The following URB2 variants were observed in gnomAD, a reference collection of about 807,000 sequenced individuals.
The protein encoded by URB2 is URB2 ribosome biogenesis homolog.
A neutral mutation model predicts 120.9 loss-of-function variants in URB2; 86 were observed. That is an observed-to-expected ratio of 0.71 (90% CI 0.60 to 0.85). The LOEUF (loss-of-function observed/expected upper bound fraction) is 0.85. URB2 is among the 40% of genes least tolerant of loss of function. The probability of loss-of-function intolerance (pLI) is 0.00; values close to 1 mark genes in which losing one functional copy is unlikely to be tolerated. For missense variants in URB2, 1,765 were observed against 1,836.5 expected, an observed-to-expected ratio of 0.96 and a Z score of 0.71; for synonymous variants, 755 against 758.4, an observed-to-expected ratio of 1.00 and a Z score of 0.07.
intron 3 of URB2, among the ~76,000 whole-genome samples, chr1:229,634,098 G>A (rs1051132707): frequency 2.0e-5 from 3 of 152,018 alleles, no homozygotes; most frequent in African/African-American, 7.3e-5. Context: ...CTCCCAAGGT[G>A]TTGGGATTAC....
intron 4 of URB2, among the ~76,000 whole-genome samples, chr1:229,638,646 A>C (rs1258878205): frequency 9.1e-6 from 1 of 110,050 alleles, no homozygotes; most frequent in Non-Finnish European, 1.7e-5. Flanking sequence ...AGTCTGTCTC[A>C]AAAAAAAAAA....
At chr1:229,641,391 G>A (rs940669950) in intron 4 of URB2, among the ~76,000 whole-genome samples, 12 of 152,092 alleles carry the variant, frequency 7.9e-5, no homozygotes, top group African/African-American at 2.2e-4. Context: ...AGAGCACCTC[G>A]GTCACAGTGT....
chr1:229,637,194 C>A lies in URB2; in HGVS notation c.2581C>A (p.Pro861Thr). The change falls in exon 4 of 10, where the codon CCC becomes ACC. Residue 861 changes from proline to threonine, a missense_variant. Physicochemically the swap from Pro to Thr is conservative, Grantham distance 38. Transcript: ENST00000258243. Reference sequence around the variant, plus strand: ...GGAAAACAGATTTGCAAAAGCTGGACCCGAAGGTATAGAACCTAGAGGAGA... The same window carrying A: ...GGAAAACAGATTTGCAAAAGCTGGAACCGAAGGTATAGAACCTAGAGGAGA... Reference protein sequence around the residue: ...HWENRFAKAGPEGIEPRGEIA... With the variant: ...HWENRFAKAGTEGIEPRGEIA... 1 of 1,613,764 alleles carries A rather than the reference C, an allele frequency of 6.2e-7. No homozygotes were observed. The highest frequency in any genetic ancestry group is 8.5e-7 in the Non-Finnish European group (1 of 1,179,782).
Position 229,635,728 on chromosome 1 carries a change from T to C in URB2, c.1115T>C (p.Ile372Thr). 1 of 1,614,118 alleles carries C rather than the reference T, an allele frequency of 6.2e-7. No homozygotes were observed. The highest frequency in any genetic ancestry group is 1.1e-5 in the South Asian group (1 of 91,080). ...CTAAACTCAGTGGCCAACAACAATA[T>C]CTACAACATCGCTGCCGACAGAATT... ...QLLNSVANNN[I>T]YNIAADRIRH... The change falls in exon 4 of 10, where the codon ATC becomes ACC. Residue 372 changes from isoleucine (I) to threonine (T), a missense_variant. Ile to Thr is a moderately conservative substitution (Grantham distance 89). Coordinates refer to ENST00000258243, the MANE Select transcript of URB2 (RefSeq NM_014777.4).
intron 9 of URB2, among the ~76,000 whole-genome samples, chr1:229,655,481 G>A (rs1233006365): frequency 6.6e-6 from 1 of 152,132 alleles, no homozygotes; most frequent in Non-Finnish European, 1.5e-5. Context: ...TAATCCACCC[G>A]CCTTGGCCTC....
chr1:229,653,254 G>A (rs928614895), intron 8 of URB2, among the ~76,000 whole-genome samples: 17 of 151,766 alleles, frequency 1.1e-4, no homozygotes, highest in African/African-American at 1.9e-4. Flanking sequence ...GCTTATTCAC[G>A]GTCTTCAAAA....
intron 6 of URB2, 69 bp downstream of exon 6, chr1:229,646,038 C>T (rs1666140994): frequency 4.2e-6 from 6 of 1,439,324 alleles, no homozygotes; most frequent in Non-Finnish European, 5.9e-6. Flanking sequence ...AGAAGTCAGC[C>T]TTTTGGGGTC....
intron 4 of URB2, among the ~76,000 whole-genome samples, chr1:229,642,017 A>T (rs1470594816): frequency 1.3e-5 from 2 of 151,250 alleles, no homozygotes; most frequent in Admixed American, 6.5e-5. Context: ...CTCCAGAAAC[A>T]TAAAAAAAAC....
At position 229,654,395 on chromosome 1, in the gene URB2, T is replaced by C. The variant is rs571162644; in HGVS notation, c.4377+7T>C. 3.1e-6 allele frequency: 5 copies of C among 1,614,158 alleles called. No individual in the cohort carries two copies. Among genetic ancestry groups the C allele is most frequent in the Admixed American group, 1.7e-5 (1 of 60,028 alleles). ...CGTGTTGGAGGTACAGAAGGTAAAA[T>C]TGGGTTCAATGTCTTTCACCAAGTA... On this transcript the variant is annotated splice_region_variant and intron_variant, in intron 9 of 9. Coordinates refer to ENST00000258243, the MANE Select transcript of URB2 (RefSeq NM_014777.4).
At chr1:229,633,840 T>TA (rs1365417895) in intron 3 of URB2, among the ~76,000 whole-genome samples, 1 of 152,210 alleles carries the variant, frequency 6.6e-6, no homozygotes, top group Non-Finnish European at 1.5e-5. Context: ...CTTTCCTTTT[T>TA]AAAAAATTTT....
At chr1:229,633,889 T>C (rs1665728670) in intron 3 of URB2, among the ~76,000 whole-genome samples, 1 of 152,114 alleles carries the variant, frequency 6.6e-6, no homozygotes, top group African/African-American at 2.4e-5. Context: ...TGGAGTGCAG[T>C]GGTGTGATCT....
At chr1:229,638,320 G>A in intron 4 of URB2, 73 bp downstream of exon 4, 1 of 1,473,868 alleles carries the variant, frequency 6.8e-7, no homozygotes, top group Non-Finnish European at 9.1e-7. Context: ...TTTGGAACTG[G>A]GAATAAGTGA....
intron 4 of URB2, among the ~76,000 whole-genome samples, chr1:229,639,508 TG>T (rs1039641299): frequency 3.9e-5 from 6 of 152,054 alleles, no homozygotes; most frequent in Admixed American, 2.0e-4. Flanking sequence ...CTAATTTTTT[TG>T]TATTTTTTAG....
Position 229,635,290 on chromosome 1 carries a change from G to A in URB2, c.677G>A (p.Arg226Lys). The part of the protein sequence containing the change: ...TWTQAGQGQL[R>K]QVLSRDIRSQ... ...ACGCAGGCTGGCCAGGGCCAGCTGA[G>A]GCAGGTGCTGAGCCGGGACATCAGG... Residue 226 changes from arginine to lysine, a missense_variant, in exon 4 of 10, where the codon AGG becomes AAG. Transcript: ENST00000258243. 1 of 1,614,230 alleles carries A rather than the reference G, an allele frequency of 6.2e-7. No individual in the cohort carries two copies. The highest frequency in any genetic ancestry group is 1.3e-5 in the African/African-American group (1 of 75,074).
Position 229,637,438 on chromosome 1 carries a change from T to G in URB2, c.2825T>G (p.Leu942Trp), listed in dbSNP as rs1358708814. 3 of 1,614,076 alleles carry G rather than the reference T, an allele frequency of 1.9e-6. No homozygotes were observed. The highest frequency in any genetic ancestry group is 2.5e-6 in the Non-Finnish European group (3 of 1,180,048). ...SCSSSLALKF[L>W]TTCYQLLGYL... ...TCCTCCTCACTGGCTCTCAAGTTCTTGACGACTTGCTACCAACTTCTTGGT... is the reference window on the plus strand; with the variant it reads ...TCCTCCTCACTGGCTCTCAAGTTCTGGACGACTTGCTACCAACTTCTTGGT... The change falls in exon 4 of 10, where the codon TTG becomes TGG. Residue 942 changes from leucine to tryptophan, a missense_variant. By Grantham distance (61) the Leu-to-Trp change is moderately conservative (BLOSUM62 -2). Transcript: ENST00000258243.
intron 4 of URB2, among the ~76,000 whole-genome samples, chr1:229,642,165 C>T (rs112650949): frequency 4.6e-5 from 7 of 152,240 alleles, no homozygotes; most frequent in African/African-American, 1.7e-4. Flanking sequence ...ATAAAGCGAA[C>T]CAGAGCGATG....
Position 229,635,104 on chromosome 1 carries a change from C to G in URB2, c.491C>G (p.Ala164Gly). Residue 164 changes from alanine (A) to glycine (G), a missense_variant, in exon 4 of 10, where the codon GCT becomes GGT. Ala to Gly is a moderately conservative substitution (Grantham distance 60). Coordinates refer to ENST00000258243, the MANE Select transcript of URB2 (RefSeq NM_014777.4). The stretch of plus-strand genomic sequence containing the variant: ...TCGGCCTGCAGGCAGCCCGAAGGAG[C>G]TGTGGTAGCCCAGTTGTTTGAGGTC... The part of the protein sequence containing the change: ...CWSACRQPEG[A>G]VVAQLFEVIH... 1 of 1,614,002 alleles carries G rather than the reference C, an allele frequency of 6.2e-7. No individual in the cohort carries two copies. The highest frequency in any genetic ancestry group is 1.1e-5 in the South Asian group (1 of 91,076).
chr1:229,643,714 T>G, intron 5 of URB2, 21 bp downstream of exon 5: 1 of 1,603,616 alleles, frequency 6.2e-7, no homozygotes, highest in Non-Finnish European at 8.5e-7. Flanking sequence ...TCTCCCTCCT[T>G]GTGTGGCAGG....
At chr1:229,639,015 T>A (rs1241625102) in intron 4 of URB2, among the ~76,000 whole-genome samples, 1 of 152,008 alleles carries the variant, frequency 6.6e-6, no homozygotes, top group Non-Finnish European at 1.5e-5. Context: ...CTGCCAACTT[T>A]AAAAAAGTAC....
Sources: gnomAD v4.1 joint callset for allele counts (sites outside exome capture counted in the v4.1 genomes callset) on GRCh38, gnomAD v4.1.1 for gene constraint, MANE v1.5 for transcripts, NCBI Gene and HGNC (gene_info 2026-07-23, HGNC 2026-07-21) for gene names.